Variants in ALMS1 observed in about 807,000 individuals in gnomAD.
ALMS1 encodes the protein ALMS1 centrosome and basal body associated protein, also known as centrosome-associated protein ALMS1.
ALMS1 carries 271 observed loss-of-function variants against 352.2 expected under a neutral mutation model. The observed-to-expected ratio is 0.77, with a 90% CI of 0.70 to 0.85. The LOEUF (loss-of-function observed/expected upper bound fraction) is 0.85. Among genes scored for constraint, ALMS1 ranks in the 40% least tolerant of loss-of-function variants. The probability of loss-of-function intolerance (pLI) is 0.00; values close to 1 mark genes in which losing one functional copy is unlikely to be tolerated. For synonymous variants in ALMS1, 1,865 were observed against 1,761.2 expected (o/e 1.06, Z -1.48); for missense variants, 5,445 against 4,870.7 (o/e 1.12, Z -3.51).
chr2:73,600,691 T>G lies in ALMS1; in HGVS notation c.11682T>G (p.Ile3894Met), dbSNP rs760901116. The G allele has an allele frequency of 1.9e-6, 3 of 1,613,586 alleles. No individual in the cohort carries two copies. The highest frequency in any genetic ancestry group is 2.5e-6 in the Non-Finnish European group (3 of 1,179,702). Residue 3894 changes from isoleucine (I) to methionine (M), a missense_variant, in exon 18 of 23, where the codon ATT becomes ATG. Transcript: ENST00000613296. ...CCTTCCCCTCAGGTAACTTGGAGAT[T>G]GTGAACGGTGCCAAAAAACACACTC... is the stretch of plus-strand genomic sequence containing the variant. ...NKGIQAGNLE[I>M]VNGAKKHTRD...
chr2:73,391,291 A>ATTTTTTTTTTTTTTTTTTT (rs1670639813), intron 1 of ALMS1, among the ~76,000 whole-genome samples: 1 of 96,786 alleles, frequency 1.0e-5, no homozygotes, highest in African/African-American at 7.5e-5. Context: ...TATACGTTTT[A>ATTTTTTTTTTTTTTTTTTT]TTCTTTTTTT....
Position 73,448,709 on chromosome 2 carries a change from C to A in ALMS1, c.2182C>A (p.Gln728Lys), listed in dbSNP as rs1671859807. The A allele has an allele frequency of 6.2e-7, 1 of 1,605,180 alleles. No homozygotes were observed. The highest frequency in any genetic ancestry group is 8.5e-7 in the Non-Finnish European group (1 of 1,174,106). ...HREKPGIFYQ[Q>K]EFADSHQTEE... The stretch of plus-strand genomic sequence containing the variant: ...AGAGAAGCCTGGTATTTTTTACCAA[C>A]AAGAGTTCGCAGACAGTCATCAAAC... The change falls in exon 8 of 23, where the codon CAA becomes AAA. Residue 728 changes from glutamine to lysine, a missense_variant. By Grantham distance (53) the Gln-to-Lys change is moderately conservative. Transcript: ENST00000613296.
chr2:73,487,430 T>C lies in ALMS1; in HGVS notation c.7675-2204T>C, dbSNP rs551060799. Among the ~76,000 whole-genome samples the C allele has an allele frequency of 9.5e-4, 145 of 152,100 alleles. 1 individual carries two copies. Among genetic ancestry groups the C allele is most frequent in the Non-Finnish European group, 1.8e-3 (121 of 68,002 alleles). On this transcript the variant is annotated intron_variant, in intron 9 of 22. Transcript: ENST00000613296. ...GTGGCTTCTGCTGTGGGCACCCACA[T>C]CTGGGTGAGGGAAATGTGGTGGTGG...
At chr2:73,511,327 A>G (rs1286023941) in intron 10 of ALMS1, among the ~76,000 whole-genome samples, 1 of 152,038 alleles carries the variant, frequency 6.6e-6, no homozygotes, top group Non-Finnish European at 1.5e-5. Flanking sequence ...TAGGCACCCA[A>G]GGGAATCTCC....
intron 7 of ALMS1, among the ~76,000 whole-genome samples, chr2:73,442,831 A>G (rs371109648): frequency 2.0e-5 from 3 of 152,122 alleles, no homozygotes; most frequent in African/African-American, 7.2e-5. Context: ...TCATACTCCA[A>G]ATGTTTGTAT....
intron 6 of ALMS1, among the ~76,000 whole-genome samples, chr2:73,431,917 T>C (rs1384364246): frequency 1.3e-5 from 2 of 152,178 alleles, no homozygotes; most frequent in Non-Finnish European, 2.9e-5. Context: ...ATCTATAATA[T>C]TTTATCTAGA....
intron 10 of ALMS1, among the ~76,000 whole-genome samples, chr2:73,512,024 G>C (rs1292893265): frequency 1.3e-5 from 2 of 152,120 alleles, no homozygotes; most frequent in Non-Finnish European, 2.9e-5. Context: ...GAGAGATCAA[G>C]TTCCTCCACA....
intron 9 of ALMS1, among the ~76,000 whole-genome samples, chr2:73,486,671 T>G (rs1383959556): frequency 6.6e-6 from 1 of 152,220 alleles, no homozygotes; most frequent in Admixed American, 6.5e-5. Context: ...TCTACGTTCT[T>G]CTCTACATCT....
intron 10 of ALMS1, among the ~76,000 whole-genome samples, chr2:73,516,929 G>A (rs1231108406): frequency 6.6e-6 from 1 of 152,062 alleles, no homozygotes; most frequent in East Asian, 1.9e-4. Context: ...AATGTTTTAA[G>A]GAGGAGAGCT....
At chr2:73,607,331 T>C in intron 21 of ALMS1, among the ~76,000 whole-genome samples, 1 of 152,216 alleles carries the variant, frequency 6.6e-6, no homozygotes, top group Non-Finnish European at 1.5e-5. Context: ...ATAATCTATT[T>C]AACTGTTGTT....
intron 5 of ALMS1, among the ~76,000 whole-genome samples, chr2:73,425,220 G>A (rs908211233): frequency 2.0e-5 from 3 of 152,150 alleles, no homozygotes; most frequent in Admixed American, 2.0e-4. Context: ...TGAGATTGAG[G>A]TGAAACAAAA....
At chr2:73,408,835 T>TAATG in intron 2 of ALMS1, 88 bp downstream of exon 2, 3 of 1,056,408 alleles carry the variant, frequency 2.8e-6, no homozygotes, top group Non-Finnish European at 4.1e-6. Flanking sequence ...AAAAATAAAT[T>TAATG]AATATTCATT....
chr2:73,431,054 T>G (rs546575801), intron 6 of ALMS1, among the ~76,000 whole-genome samples: 5 of 152,222 alleles, frequency 3.3e-5, no homozygotes, highest in African/African-American at 1.2e-4. Flanking sequence ...GTTGGATAAT[T>G]CTTTGTTATG....
chr2:73,584,787 A>G (rs1196832012), intron 16 of ALMS1, among the ~76,000 whole-genome samples: 2 of 140,380 alleles, frequency 1.4e-5, no homozygotes, highest in Non-Finnish European at 3.0e-5. Flanking sequence ...CCCCGCTCCC[A>G]CCCTTCCCCC....
At chr2:73,529,849 G>C (rs187790339) in intron 11 of ALMS1, among the ~76,000 whole-genome samples, 2 of 152,114 alleles carry the variant, frequency 1.3e-5, no homozygotes. Context: ...AGCAAGGCAC[G>C]TCTTACATGG....
At chr2:73,425,031 C>G in intron 5 of ALMS1, 129 bp downstream of exon 5, 1 of 702,906 alleles carries the variant, frequency 1.4e-6, no homozygotes, top group Admixed American at 3.1e-5. Flanking sequence ...TTTGCACCAC[C>G]CAGAAACGTG....
rs939153899 is a variant in ALMS1, at chr2:73,392,142, C to T, written c.324+5950C>T. Among the ~76,000 whole-genome samples the T allele has an allele frequency of 4.0e-5, 6 of 151,794 alleles. No homozygotes were observed. In the East Asian group the frequency reaches 1.2e-3, roughly 29 times the overall value. On this transcript the variant is annotated intron_variant, in intron 1 of 22. Transcript: ENST00000613296. ...GGGTTTATTTAATTTATTTTTCATT[C>T]AAGGACACAGCTCTTGATTTAAGTT...
chr2:73,499,713 GATCCCC>G (rs1673181978), intron 10 of ALMS1, among the ~76,000 whole-genome samples: 1 of 152,066 alleles, frequency 6.6e-6, no homozygotes, highest in Non-Finnish European at 1.5e-5. Flanking sequence ...ATTGAAATTT[GATCCCC>G]AGCATTAGAG....
chr2:73,522,491 G>A (rs1330578372), intron 11 of ALMS1, among the ~76,000 whole-genome samples: 43 of 98,088 alleles, frequency 4.4e-4, no homozygotes, highest in African/African-American at 1.8e-3. Flanking sequence ...TTTTTTTTGA[G>A]ATGGAGTCTC....
Sources: allele counts gnomAD v4.1 joint callset (sites outside exome capture counted in the v4.1 genomes callset), GRCh38; gene constraint gnomAD v4.1.1; transcripts MANE v1.5; gene names NCBI Gene and HGNC (gene_info 2026-07-23, HGNC 2026-07-21).